Variants in EHD4 observed in about 807,000 individuals in gnomAD.
EHD4 encodes EH domain containing 4, also known as EH domain-containing protein 4.
In EHD4, 37 loss-of-function variants were observed where a neutral mutation model predicts 51.0. That is an observed-to-expected ratio of 0.73 (90% confidence interval 0.56 to 0.95). The LOEUF (loss-of-function observed/expected upper bound fraction) is 0.95, where lower values mean the gene tolerates loss of function less well. EHD4 is among the 40% of genes least tolerant of loss of function. The pLI, the probability that EHD4 is intolerant of heterozygous loss-of-function variation, is 0.00. For synonymous variants in EHD4, 297 were observed against 317.3 expected, an observed-to-expected ratio of 0.94 and a Z score of 0.68; for missense variants, 632 against 733.1, an observed-to-expected ratio of 0.86 and a Z score of 1.59.
chr15:41,900,641 C>T lies in EHD4; in HGVS notation c.*4G>A. On this transcript the variant is annotated 3_prime_UTR_variant, in exon 6 of 6. Transcript: ENST00000220325. The surrounding 1 kb of genome is among the most constrained non-coding windows in gnomAD (Gnocchi z 4.8). ...AGTTCCCACCCCGTTCTGCAGCCCA[C>T]CCCTCAGTCGGCCTTGGGCAGGGAC... is the stretch of plus-strand genomic sequence containing the variant. The T allele has an allele frequency of 3.8e-6, 6 of 1,581,774 alleles. No individual in the cohort carries two copies. Among genetic ancestry groups the T allele is most frequent in the Non-Finnish European group, 5.1e-6 (6 of 1,168,072 alleles).
intron 1 of EHD4, among the ~76,000 whole-genome samples, chr15:41,971,564 G>A (rs1009666498): frequency 1.3e-5 from 2 of 152,224 alleles, no homozygotes; most frequent in Admixed American, 1.3e-4. Flanking sequence ...AATATTTTCA[G>A]TTGTCAAGGG....
At chr15:41,953,164 T>G (rs1295409993) in intron 2 of EHD4, among the ~76,000 whole-genome samples, 1 of 151,800 alleles carries the variant, frequency 6.6e-6, no homozygotes, top group Admixed American at 6.6e-5. Context: ...CTGGAGTCAG[T>G]GGGTAAAATC....
chr15:41,932,240 A>G (rs1046150554), intron 3 of EHD4, among the ~76,000 whole-genome samples: 2 of 152,218 alleles, frequency 1.3e-5, no homozygotes, highest in African/African-American at 2.4e-5. Flanking sequence ...AAGATTTACT[A>G]TAAGTGGGAA....
Position 41,972,439 on chromosome 15 carries a change from TCCGCGCCGCCAGCGCGTTCGCGCCCGC to T in EHD4, c.29_55del (p.Gly10_Ala18del), listed in dbSNP as rs1456581189. 6 of 1,590,086 alleles carry T rather than the reference TCCGCGCCGCCAGCGCGTTCGCGCCCGC, an allele frequency of 3.8e-6. No individual in the cohort carries two copies. The highest frequency in any genetic ancestry group is 5.1e-6 in the Non-Finnish European group (6 of 1,170,282). On this transcript the variant is annotated inframe_deletion, in exon 1 of 6. Transcript: ENST00000220325. ...CCCGCCCGTCACCGTCTGCACCGCG[TCCGCGCCGCCAGCGCGTTCGCGCCCGC>T]CCGCCTGCCGCCCCATCCAGCTGAA...
chr15:41,930,817 C>T (rs749491232), intron 3 of EHD4, among the ~76,000 whole-genome samples: 11 of 152,338 alleles, frequency 7.2e-5, no homozygotes, highest in South Asian at 2.1e-4. Flanking sequence ...GGAATCCACA[C>T]GGGGCTCCTT....
chr15:41,905,729 G>A (rs768383798), intron 5 of EHD4, among the ~76,000 whole-genome samples: 5 of 152,184 alleles, frequency 3.3e-5, no homozygotes, highest in Non-Finnish European at 5.9e-5. Context: ...GGAGTGCAGT[G>A]GCGTGATCAT....
intron 4 of EHD4, among the ~76,000 whole-genome samples, chr15:41,914,942 C>T (rs1298990509): frequency 6.6e-6 from 1 of 152,050 alleles, no homozygotes; most frequent in Non-Finnish European, 1.5e-5. Context: ...CCCACCTCCA[C>T]GCCCAGCTAA....
At chr15:41,903,248 GT>G (rs2067489257) in intron 5 of EHD4, among the ~76,000 whole-genome samples, 1 of 138,922 alleles carries the variant, frequency 7.2e-6, no homozygotes, top group Admixed American at 7.8e-5. Context: ...AGACCTCGCT[GT>G]TTTGGACAGA....
intron 5 of EHD4, among the ~76,000 whole-genome samples, chr15:41,909,314 G>A (rs1196960606): frequency 1.3e-5 from 2 of 152,216 alleles, no homozygotes; most frequent in African/African-American, 2.4e-5. Context: ...ATCCCACGGC[G>A]TGAGGCAGGT....
chr15:41,914,318 A>G (rs1355067610), intron 4 of EHD4, among the ~76,000 whole-genome samples: 1 of 152,006 alleles, frequency 6.6e-6, no homozygotes, highest in Non-Finnish European at 1.5e-5. Context: ...AAACCTGCAT[A>G]GAGTATTTAA....
At chr15:41,937,046 A>C (rs2067736079) in intron 3 of EHD4, among the ~76,000 whole-genome samples, 1 of 152,232 alleles carries the variant, frequency 6.6e-6, no homozygotes, top group African/African-American at 2.4e-5. Flanking sequence ...ATCCAGACAA[A>C]GCTCAGAGTC....
rs919046482 is a variant in EHD4 at position 41,900,525 on chromosome 15, G to A, written c.*120C>T. 25 of 1,036,036 alleles carry A rather than the reference G, an allele frequency of 2.4e-5. No homozygotes were observed. The highest frequency in any genetic ancestry group is 3.1e-5 in the Non-Finnish European group (23 of 733,442). The allele number at this position is 1,036,036 out of a possible 1,614,324, so 64.2% of individuals were successfully genotyped here. A position where few individuals can be genotyped will look rare whatever the true frequency, so the allele number is the denominator to read the frequency against. On this transcript the variant is annotated 3_prime_UTR_variant, in exon 6 of 6. Transcript: ENST00000220325. This position sits in a 1 kb window ranked among gnomAD's most constrained non-coding sequence, Gnocchi z 4.8. ...CAGTGTCCACCCTCCCCATTCTACA[G>A]ATGGGGAAACCAAGGCACAGAGAGG...
intron 3 of EHD4, among the ~76,000 whole-genome samples, chr15:41,927,090 T>C (rs1028913927): frequency 4.6e-5 from 7 of 152,186 alleles, no homozygotes; most frequent in African/African-American, 1.4e-4. Context: ...CTTTAATGAA[T>C]TTCCTTCATA....
At chr15:41,963,511 A>T (rs1447186975) in intron 1 of EHD4, among the ~76,000 whole-genome samples, 3 of 151,718 alleles carry the variant, frequency 2.0e-5, no homozygotes, top group African/African-American at 7.3e-5. Context: ...GAGGCACAAG[A>T]ACCGCTTGAA....
rs778059179 is a variant in EHD4 at position 41,919,461 on chromosome 15, C to T, written c.673G>A (p.Asp225Asn). The change falls in exon 4 of 6, where the codon GAC (aspartate) becomes AAC (asparagine). Residue 225 changes from aspartate (D) to asparagine (N), a missense_variant. Coordinates refer to ENST00000220325, the MANE Select transcript of EHD4 (RefSeq NM_139265.4). Reference sequence around the variant, plus strand: ...ATCAGCTGCTGCGTGTCCACTTGGTCGGCCTTGTTCAGCACGACACGGATC... The same window carrying T: ...ATCAGCTGCTGCGTGTCCACTTGGTTGGCCTTGTTCAGCACGACACGGATC... The part of the protein sequence containing the change: ...DKIRVVLNKA[D>N]QVDTQQLMRV... 48 of 1,569,648 alleles carry T rather than the reference C, an allele frequency of 3.1e-5. No homozygotes were observed. Among genetic ancestry groups the T allele is most frequent in the Non-Finnish European group, 3.8e-5 (44 of 1,157,782 alleles).
intron 1 of EHD4, among the ~76,000 whole-genome samples, chr15:41,965,149 G>T (rs1038288842): frequency 6.6e-6 from 1 of 152,036 alleles, no homozygotes. Flanking sequence ...AAGATTTATG[G>T]CCAAAAATGT....
chr15:41,901,725 G>A (rs2067479027), intron 5 of EHD4, among the ~76,000 whole-genome samples: 1 of 152,116 alleles, frequency 6.6e-6, no homozygotes, highest in South Asian at 2.1e-4. Context: ...CTTGTTTTCG[G>A]AACACGTAAA....
intron 2 of EHD4, among the ~76,000 whole-genome samples, chr15:41,951,922 GAC>G (rs1432832252): frequency 6.6e-6 from 1 of 152,192 alleles, no homozygotes; most frequent in Non-Finnish European, 1.5e-5. Context: ...AAATCACCTG[GAC>G]AGTGTTCCTA....
intron 3 of EHD4, among the ~76,000 whole-genome samples, chr15:41,940,562 G>A (rs931029814): frequency 3.9e-5 from 6 of 152,200 alleles, no homozygotes; most frequent in African/African-American, 9.7e-5. Flanking sequence ...GTGGCCCGTC[G>A]TGCTGTCATC....
Sources: allele counts gnomAD v4.1 joint callset (sites outside exome capture counted in the v4.1 genomes callset), GRCh38; gene constraint gnomAD v4.1.1; non-coding constraint Gnocchi (gnomAD v3.1); transcripts MANE v1.5; gene names NCBI Gene and HGNC (gene_info 2026-07-23, HGNC 2026-07-21).